The following ZFYVE27 variants were observed in gnomAD, a reference collection of about 807,000 sequenced individuals.
ZFYVE27 encodes zinc finger FYVE-type containing 27, also known as protrudin.
A neutral mutation model predicts 52.8 loss-of-function variants in ZFYVE27; 36 were observed. That is an observed-to-expected ratio of 0.68 (90% CI 0.52 to 0.90). ZFYVE27 has a LOEUF of 0.90. Ranked by LOEUF, ZFYVE27 falls within the 40% of genes least tolerant of loss-of-function variation. The probability of loss-of-function intolerance (pLI) is 0.00; values close to 1 mark genes in which losing one functional copy is unlikely to be tolerated. For synonymous variants in ZFYVE27, 223 were observed against 215.6 expected (o/e 1.03, Z -0.30); for missense variants, 450 against 527.2 (o/e 0.85, Z 1.43).
chr10:97,752,887 A>G lies in ZFYVE27; in HGVS notation c.897+10A>G. The G allele has an allele frequency of 6.5e-7, 1 of 1,539,528 alleles. No individual in the cohort carries two copies. Among genetic ancestry groups the G allele is most frequent in the Non-Finnish European group, 9.0e-7 (1 of 1,116,654 alleles). ...CCACTTGGTGGTGCTGGTAAGTGGAAGCCTTGGTGGGTGGGCAGGGGCTGG... is the reference window on the plus strand; with the variant it reads ...CCACTTGGTGGTGCTGGTAAGTGGAGGCCTTGGTGGGTGGGCAGGGGCTGG... On this transcript the variant is annotated intron_variant, in intron 9 of 12. Transcript: ENST00000684270.
In ZFYVE27 at chr10:97,751,463, G is replaced by T. The variant is rs2046978127; in HGVS notation, c.876+1G>T. 1 of 1,613,654 alleles carries T rather than the reference G, an allele frequency of 6.2e-7. No homozygotes were observed. The highest frequency in any genetic ancestry group is 1.3e-5 in the African/African-American group (1 of 74,932). ...TGAAGAGTTTAAAGATGCGATTGAG[G>T]TGGGTGGCCCTTCCCCAGCATCCTC... On this transcript the variant is annotated splice_donor_variant, in intron 8 of 12. Coordinates refer to ENST00000684270, the MANE Select transcript of ZFYVE27 (RefSeq NM_001385875.1). LOFTEE classifies it high-confidence loss of function.
Position 97,754,646 on chromosome 10 carries a change from C to G in ZFYVE27, c.1042+1464C>G, listed in dbSNP as rs2047887678. The G allele has an allele frequency of 3.1e-6, 4 of 1,287,214 alleles. No individual in the cohort carries two copies. In the Admixed American group the frequency reaches 6.9e-5, roughly 22 times the overall value. The allele number at this position is 1,287,214 out of a possible 1,614,324, so 79.7% of individuals were successfully genotyped here. On this transcript the variant is annotated intron_variant, in intron 10 of 12. Transcript: ENST00000684270. ...TTTTATTTATGCTGCCTGCTGACTT[C>G]TGCAGGGCATTCTGTATGTTCAGTG... is the stretch of plus-strand genomic sequence containing the variant.
rs190633534 is a variant in ZFYVE27, at chr10:97,750,607, A to G, written c.804+137A>G. The stretch of plus-strand genomic sequence containing the variant: ...GGCCTTAACTCCCCTGAAGTGTTCA[A>G]TAATAATAATTGTAATAAAAACAGC... On this transcript the variant is annotated intron_variant, in intron 7 of 12. Coordinates refer to ENST00000684270, the MANE Select transcript of ZFYVE27 (RefSeq NM_001385875.1). 3.9e-4 allele frequency: 451 copies of G among 1,162,440 alleles called. 2 individuals carry two copies. In the Middle Eastern group the frequency reaches 4.0e-3, roughly 10 times the overall value. The allele number at this position is 1,162,440 out of a possible 1,614,324, so 72.0% of individuals were successfully genotyped here.
intron 12 of ZFYVE27, chr10:97,758,182 T>C (rs922450308): frequency 6.5e-6 from 1 of 154,854 alleles, no homozygotes; most frequent in Admixed American, 6.3e-5. Flanking sequence ...GGAAAAAAAA[T>C]TCCTGATTTC....
At chr10:97,742,673 T>A (rs4917784) in intron 2 of ZFYVE27, among the ~76,000 whole-genome samples, 1 of 151,936 alleles carries the variant, frequency 6.6e-6, no homozygotes, top group Non-Finnish European at 1.5e-5. Context: ...TGTTTTTTCT[T>A]GATTTCTGTA....
intron 4 of ZFYVE27, among the ~76,000 whole-genome samples, chr10:97,745,430 C>T (rs1400492999): frequency 2.0e-5 from 3 of 152,034 alleles, no homozygotes; most frequent in Non-Finnish European, 4.4e-5. Flanking sequence ...CCGCCCGCCT[C>T]GGCCTCCCAA....
intron 3 of ZFYVE27, 143 bp from the exon 4 acceptor site, chr10:97,744,586 A>G: frequency 1.1e-6 from 1 of 910,798 alleles, no homozygotes; most frequent in Non-Finnish European, 1.7e-6. Flanking sequence ...AGTAGGGGTG[A>G]GACACTGTGT....
At chr10:97,757,559 C>G in intron 11 of ZFYVE27, 83 bp from the exon 12 acceptor site, 1 of 1,475,556 alleles carries the variant, frequency 6.8e-7, no homozygotes, top group Non-Finnish European at 9.5e-7. Flanking sequence ...TGGGTGGGAT[C>G]AGCTGGTGGA....
In ZFYVE27 at chr10:97,744,830, C is replaced by T. The variant is rs745606455; in HGVS notation, c.370C>T (p.Arg124Trp). The change falls in exon 4 of 13, where the codon CGG (arginine) becomes TGG (tryptophan). Residue 124 changes from arginine (R) to tryptophan (W), a missense_variant. Coordinates refer to ENST00000684270, the MANE Select transcript of ZFYVE27 (RefSeq NM_001385875.1). Reference sequence around the variant, plus strand: ...ACGGCTGCCTGATTCCGAGCTGATGCGGAGGAAGTATCATAGCGTGAGGCA... The same window carrying T: ...ACGGCTGCCTGATTCCGAGCTGATGTGGAGGAAGTATCATAGCGTGAGGCA... Reference protein sequence around the residue: ...RARLPDSELMRRKYHSVRQED... With the variant: ...RARLPDSELMWRKYHSVRQED... 42 of 1,613,702 alleles carry T rather than the reference C, an allele frequency of 2.6e-5. No individual in the cohort carries two copies. Among genetic ancestry groups the T allele is most frequent in the African/African-American group, 5.3e-5 (4 of 74,918 alleles).
chr10:97,753,765 C>T (rs2047621050), intron 10 of ZFYVE27, among the ~76,000 whole-genome samples: 1 of 152,144 alleles, frequency 6.6e-6, no homozygotes, highest in Admixed American at 6.5e-5. Context: ...CTGACCCACG[C>T]TGTGGGTTCC....
chr10:97,755,811 T>G (rs992799354), intron 10 of ZFYVE27, among the ~76,000 whole-genome samples: 1 of 152,172 alleles, frequency 6.6e-6, no homozygotes, highest in Non-Finnish European at 1.5e-5. Flanking sequence ...ACTGTTGCCC[T>G]GGCAGGCCCC....
intron 10 of ZFYVE27, among the ~76,000 whole-genome samples, chr10:97,756,684 C>G (rs913574946): frequency 1.3e-5 from 2 of 152,238 alleles, no homozygotes; most frequent in African/African-American, 4.8e-5. Context: ...CTGCGTCCCC[C>G]CATGCCACTC....
At position 97,759,224 on chromosome 10, in the gene ZFYVE27, C is replaced by T. The variant is rs762132179; in HGVS notation, c.1172-12C>T. ...CAAGGAAATGTCTCACCAAGTTCTT[C>T]CTCCTTTTCAGCCCCTGAAGCCCAG... On this transcript the variant is annotated splice_polypyrimidine_tract_variant and intron_variant, in intron 12 of 12. Transcript: ENST00000684270. 1 of 1,614,140 alleles carries T rather than the reference C, an allele frequency of 6.2e-7. No homozygotes were observed. The highest frequency in any genetic ancestry group is 1.1e-5 in the South Asian group (1 of 91,082).
In ZFYVE27 at chr10:97,759,385, T is replaced by A. The variant is rs2049188348; in HGVS notation, c.*85T>A. On this transcript the variant is annotated 3_prime_UTR_variant, in exon 13 of 13. Coordinates refer to ENST00000684270, the MANE Select transcript of ZFYVE27 (RefSeq NM_001385875.1). ...TCTCCCCACCCCTGGCCCACTGTGG[T>A]GTGTGCTGGGCAAATGTGGCCTGAA... 2 of 1,464,220 alleles carry A rather than the reference T, an allele frequency of 1.4e-6. No homozygotes were observed. The highest frequency in any genetic ancestry group is 2.8e-5 in the African/African-American group (2 of 71,976). The allele number at this position is 1,464,220 out of a possible 1,614,324, so 90.7% of individuals were successfully genotyped here. A position where few individuals can be genotyped will look rare whatever the true frequency, so the allele number is the denominator to read the frequency against.
chr10:97,744,496 A>G (rs1316409947), intron 3 of ZFYVE27, among the ~76,000 whole-genome samples: 1 of 152,252 alleles, frequency 6.6e-6, no homozygotes, highest in African/African-American at 2.4e-5. Flanking sequence ...ACTTCATTAG[A>G]GGAGACAACA....
At chr10:97,739,382 T>TA (rs1459118877) in intron 2 of ZFYVE27, among the ~76,000 whole-genome samples, 1 of 152,214 alleles carries the variant, frequency 6.6e-6, no homozygotes, top group Non-Finnish European at 1.5e-5. Context: ...TTTTACTAAT[T>TA]TATTGAGATT....
chr10:97,745,010 A>G, intron 4 of ZFYVE27, 95 bp downstream of exon 4: 1 of 1,391,926 alleles, frequency 7.2e-7, no homozygotes, highest in Non-Finnish European at 9.8e-7. Context: ...ATATTAGGCA[A>G]ACCACAGCTG....
At chr10:97,758,444 C>T (rs180929576) in intron 12 of ZFYVE27, among the ~76,000 whole-genome samples, 2,041 of 152,014 alleles carry the variant, frequency 0.013, 39 homozygotes, top group African/African-American at 0.047. Context: ...CTGCCTCAGC[C>T]TCCCGAGTAG....
intron 7 of ZFYVE27, 132 bp from the exon 8 acceptor site, chr10:97,751,259 T>A: frequency 9.9e-7 from 1 of 1,010,600 alleles, no homozygotes; most frequent in Non-Finnish European, 1.5e-6. Context: ...TCCTGTGAGT[T>A]CCTTCTTTCT....
Sources: allele counts gnomAD v4.1 joint callset (sites outside exome capture counted in the v4.1 genomes callset), GRCh38; gene constraint gnomAD v4.1.1; transcripts MANE v1.5; gene names NCBI Gene and HGNC (gene_info 2026-07-23, HGNC 2026-07-21).